PLSCR5: variants seen among roughly 807,000 people sequenced by gnomAD.
The protein encoded by PLSCR5 is phospholipid scramblase family member 5.
PLSCR5 carries 44 observed loss-of-function variants against 33.6 expected under a neutral mutation model. That is an observed-to-expected ratio of 1.31 (90% confidence interval 1.03 to 1.69). PLSCR5 has a LOEUF of 1.69. Among genes scored for constraint, PLSCR5 ranks in the 40% most tolerant of loss-of-function variants. PLSCR5 has a pLI of 0.00. For missense variants in PLSCR5, 375 were observed against 318.7 expected, an observed-to-expected ratio of 1.18 and a Z score of -1.34; for synonymous variants, 148 against 112.3, an observed-to-expected ratio of 1.32 and a Z score of -2.01.
At chr3:146,586,219 G>T in intron 6 of PLSCR5, 107 bp from the exon 7 acceptor site, 1 of 1,084,488 alleles carries the variant, frequency 9.2e-7, no homozygotes, top group Non-Finnish European at 1.2e-6. Context: ...TATTTCCAGT[G>T]GTGTTCCAGT....
rs145914433 is a variant in PLSCR5, at chr3:146,577,590, G to A, written c.*45-865C>T. On this transcript the variant is annotated intron_variant, in intron 7 of 7. Transcript: ENST00000482567. ...TTACTCAGTTTCCTTAGAAAAATAG[G>A]AATATATGCATTCACTAAATTGATG... Among the ~76,000 whole-genome samples, 429 of 152,104 alleles carry A rather than the reference G, an allele frequency of 2.8e-3. 1 individual carries two copies. Among genetic ancestry groups the A allele is most frequent in the African/African-American group, 8.9e-3 (370 of 41,504 alleles).
intron 2 of PLSCR5, among the ~76,000 whole-genome samples, chr3:146,598,160 A>G (rs2044778635): frequency 6.6e-6 from 1 of 152,120 alleles, no homozygotes; most frequent in Admixed American, 6.6e-5. Flanking sequence ...ATGTTAAAAT[A>G]TTTTATTTAA....
chr3:146,582,466 C>T (rs935483267), downstream of PLSCR5, among the ~76,000 whole-genome samples: 2 of 152,140 alleles, frequency 1.3e-5, no homozygotes, highest in Non-Finnish European at 2.9e-5. Context: ...ATGCCCAGCC[C>T]TCATTGGTTT....
At chr3:146,598,872 T>C in intron 2 of PLSCR5, among the ~76,000 whole-genome samples, 1 of 152,184 alleles carries the variant, frequency 6.6e-6, no homozygotes, top group East Asian at 1.9e-4. Context: ...TGCCAGTGGG[T>C]TTCTGGAGAA....
rs754791795 is a variant in PLSCR5 at position 146,594,064 on chromosome 3, C to T, written c.309G>A (p.Glu103=). Residue 103 remains glutamate (E), a synonymous_variant, in exon 4 of 8, where the codon GAG becomes GAA. Coordinates refer to ENST00000443512, the MANE Select transcript of PLSCR5 (RefSeq NM_001085420.2). ...AAGTACGATTGAAGCAGATGCTTTC[C>T]TCCACTGCAAAGTAAATTCTTTGTC... ...SLGQRIYFAV[E]ESICFNRTFC... The T allele has an allele frequency of 3.1e-6, 5 of 1,613,710 alleles. No individual in the cohort carries two copies. The highest frequency in any genetic ancestry group is 4.2e-6 in the Non-Finnish European group (5 of 1,179,760).
downstream of PLSCR5, chr3:146,585,733 A>G (rs1218467551): frequency 6.1e-6 from 1 of 164,642 alleles, no homozygotes; most frequent in Admixed American, 6.5e-5. Context: ...TACCATTGCA[A>G]TAACTTCAAA....
At chr3:146,586,494 T>G (rs2044666943) in intron 6 of PLSCR5, among the ~76,000 whole-genome samples, 1 of 152,206 alleles carries the variant, frequency 6.6e-6, no homozygotes, top group Non-Finnish European at 1.5e-5. Flanking sequence ...TTGTCAAACT[T>G]TTGGGTGATA....
At position 146,600,317 on chromosome 3, in the gene PLSCR5, G is replaced by A; in HGVS notation, c.160C>T (p.Leu54Phe). The change falls in exon 2 of 8, where the codon CTC (leucine) becomes TTC (phenylalanine). Residue 54 changes from leucine to phenylalanine, a missense_variant. By Grantham distance (22) the Leu-to-Phe change is conservative (BLOSUM62 0). Transcript: ENST00000443512. ...LPSSFLPTVSLPPGLEYLSQL... is the reference protein window; with the variant it reads ...LPSSFLPTVSFPPGLEYLSQL... ...CTTAAATATTCTAGACCAGGAGGGA[G>A]ACTGACTGTTGGCAGGAAACTGCTT... 6.2e-7 allele frequency: 1 copy of A among 1,602,204 alleles called. No homozygotes were observed. Among genetic ancestry groups the A allele is most frequent in the Non-Finnish European group, 8.5e-7 (1 of 1,173,296 alleles).
intron 4 of PLSCR5, among the ~76,000 whole-genome samples, chr3:146,592,169 C>G (rs944110599): frequency 4.6e-5 from 7 of 152,006 alleles, no homozygotes; most frequent in African/African-American, 1.7e-4. Flanking sequence ...AGGACAGTGG[C>G]TTCTTTGCCA....
intron 2 of PLSCR5, among the ~76,000 whole-genome samples, chr3:146,598,580 T>C (rs17433421): frequency 0.076 from 11,556 of 152,270 alleles, 493 homozygotes; most frequent in East Asian, 0.16. Context: ...AAAAATGTAT[T>C]CATGTCAAGC....
Position 146,586,088 on chromosome 3 carries a change from G to A in PLSCR5, c.802C>T (p.Leu268=), listed in dbSNP as rs367813482. ...TATCTTGGTTATTATAATCCAGCCA[G>A]TGAATGTTCAAAGAACATAAAATCC... ...LFDFMFFEHS[L]AGL is the part of the protein sequence containing the mutation. The change falls in exon 7 of 8, where the codon CTG becomes TTG. Residue 268 remains leucine, a synonymous_variant. Transcript: ENST00000443512. 3 of 1,485,004 alleles carry A rather than the reference G, an allele frequency of 2.0e-6. No individual in the cohort carries two copies. Among genetic ancestry groups the A allele is most frequent in the Non-Finnish European group, 2.7e-6 (3 of 1,114,896 alleles). 92.0% of individuals were successfully genotyped at this position (1,485,004 alleles called of 1,614,324 possible). A position where few individuals can be genotyped will look rare whatever the true frequency, so the allele number is the denominator to read the frequency against.
chr3:146,577,536 C>T (rs73003940), intron 7 of PLSCR5, among the ~76,000 whole-genome samples: 11,643 of 152,016 alleles, frequency 0.077, 500 homozygotes, highest in East Asian at 0.16. Flanking sequence ...TTTTATGGTG[C>T]TTTTATTTAA....
intron 3 of PLSCR5, among the ~76,000 whole-genome samples, chr3:146,594,452 A>C (rs2044742054): frequency 6.6e-6 from 1 of 152,136 alleles, no homozygotes; most frequent in Non-Finnish European, 1.5e-5. Flanking sequence ...TCAAAAAATA[A>C]TTATATTATT....
intron 1 of PLSCR5, among the ~76,000 whole-genome samples, chr3:146,600,726 A>G (rs1576824534): frequency 6.6e-6 from 1 of 151,046 alleles, no homozygotes; most frequent in Admixed American, 6.6e-5. Context: ...AAAAATATGC[A>G]TATGTGTATA....
chr3:146,594,995 AT>A, intron 3 of PLSCR5, 45 bp downstream of exon 3: 1 of 1,201,730 alleles, frequency 8.3e-7, no homozygotes, highest in Non-Finnish European at 1.1e-6. Context: ...AAACTAAAAT[AT>A]TTTCAATAGT....
At chr3:146,577,081 T>TA (rs1560103373) in intron 7 of PLSCR5, among the ~76,000 whole-genome samples, 1 of 152,130 alleles carries the variant, frequency 6.6e-6, no homozygotes, top group African/African-American at 2.4e-5. Context: ...TGGATATTTT[T>TA]AAAAAATAGC....
At chr3:146,593,554 A>T (rs1407138807) in intron 4 of PLSCR5, among the ~76,000 whole-genome samples, 1 of 152,166 alleles carries the variant, frequency 6.6e-6, no homozygotes, top group Non-Finnish European at 1.5e-5. Flanking sequence ...GTTTAATATC[A>T]CTTAGCATTT....
At chr3:146,597,753 A>G (rs1235034753) in intron 2 of PLSCR5, among the ~76,000 whole-genome samples, 2 of 152,184 alleles carry the variant, frequency 1.3e-5, no homozygotes, top group Non-Finnish European at 2.9e-5. Flanking sequence ...GGCAAGTAAA[A>G]CTTAACTCCT....
chr3:146,584,590 T>A (rs2044654373), downstream of PLSCR5, among the ~76,000 whole-genome samples: 1 of 152,170 alleles, frequency 6.6e-6, no homozygotes, highest in Non-Finnish European at 1.5e-5. Context: ...TATGGTCGAT[T>A]GAGGCAATGT....
Sources: gnomAD v4.1 joint callset for allele counts (sites outside exome capture counted in the v4.1 genomes callset) on GRCh38, gnomAD v4.1.1 for gene constraint, MANE v1.5 for transcripts, NCBI Gene and HGNC (gene_info 2026-07-23, HGNC 2026-07-21) for gene names.